Variants in SPAG16 observed in about 807,000 individuals in gnomAD.
SPAG16 encodes sperm-associated antigen 16 protein.
SPAG16 carries 86 observed loss-of-function variants against 80.4 expected under a neutral mutation model. The ratio of observed to expected loss-of-function variants is 1.07; its 90% confidence interval spans 0.90 to 1.28. SPAG16 has a LOEUF of 1.28. Among genes scored for constraint, SPAG16 ranks in the 50% most tolerant of loss-of-function variants. SPAG16 has a pLI of 0.00. For synonymous variants in SPAG16, 294 were observed against 265.9 expected (o/e 1.11, Z -1.03); for missense variants, 870 against 765.3 (o/e 1.14, Z -1.61).
At chr2:213,533,085 A>G (rs1433219807) in intron 10 of SPAG16, among the ~76,000 whole-genome samples, 1 of 152,206 alleles carries the variant, frequency 6.6e-6, no homozygotes, top group Admixed American at 6.5e-5. Flanking sequence ...TCTGTATTGT[A>G]GAATATATAC....
chr2:213,784,569 C>A (rs748479340), intron 10 of SPAG16, among the ~76,000 whole-genome samples: 1 of 118,402 alleles, frequency 8.4e-6, no homozygotes, highest in Non-Finnish European at 1.7e-5. Context: ...GTATCACTTA[C>A]AGTAAAAGTA....
At chr2:213,831,903 T>A (rs2073682478) in intron 10 of SPAG16, among the ~76,000 whole-genome samples, 1 of 152,188 alleles carries the variant, frequency 6.6e-6, no homozygotes, top group African/African-American at 2.4e-5. Context: ...ATGTGACTAG[T>A]AAGAGAAAAC....
At chr2:214,398,291 A>C (rs573855007) in intron 15 of SPAG16, among the ~76,000 whole-genome samples, 4 of 152,342 alleles carry the variant, frequency 2.6e-5, no homozygotes. Flanking sequence ...AACTTTAAAA[A>C]AATTTTTCCC....
chr2:213,548,393 A>G (rs1346114748), intron 10 of SPAG16, among the ~76,000 whole-genome samples: 1 of 152,070 alleles, frequency 6.6e-6, no homozygotes, highest in African/African-American at 2.4e-5. Flanking sequence ...TTGTATTTTT[A>G]GTAGAGACGG....
intron 5 of SPAG16, among the ~76,000 whole-genome samples, chr2:213,321,438 ATGAGTCAAGC>A (rs1457892631): frequency 1.3e-5 from 2 of 152,098 alleles, no homozygotes; most frequent in African/African-American, 4.8e-5. Flanking sequence ...TGATAATTAA[ATGAGTCAAGC>A]TATGTTAAAG....
chr2:214,104,247 G>C (rs2053248310), intron 13 of SPAG16, among the ~76,000 whole-genome samples: 1 of 152,194 alleles, frequency 6.6e-6, no homozygotes. Flanking sequence ...AAAGGATGAG[G>C]TCAGATACAG....
intron 15 of SPAG16, among the ~76,000 whole-genome samples, chr2:214,400,875 G>C (rs1574516461): frequency 6.6e-6 from 1 of 151,922 alleles, no homozygotes; most frequent in East Asian, 1.9e-4. Context: ...CTTCTACCAA[G>C]ATAAATTTAA....
At chr2:213,711,526 C>CTT (rs1234929111) in intron 10 of SPAG16, among the ~76,000 whole-genome samples, 81 of 140,070 alleles carry the variant, frequency 5.8e-4, no homozygotes, top group African/African-American at 1.9e-3. Context: ...ATTTTCTTTC[C>CTT]TTTTTTTTTT....
chr2:213,579,435 T>C (rs1230242681), intron 10 of SPAG16, among the ~76,000 whole-genome samples: 1 of 152,156 alleles, frequency 6.6e-6, no homozygotes, highest in African/African-American at 2.4e-5. Context: ...TACTTTGATA[T>C]TGGTCTTATT....
At chr2:213,565,910 G>A (rs2059746434) in intron 10 of SPAG16, among the ~76,000 whole-genome samples, 2 of 152,174 alleles carry the variant, frequency 1.3e-5, no homozygotes, top group African/African-American at 4.8e-5. Context: ...TAGAAGGCAA[G>A]GGAGGAAAAT....
At chr2:214,157,080 C>T (rs1225049019) in intron 15 of SPAG16, among the ~76,000 whole-genome samples, 2 of 152,038 alleles carry the variant, frequency 1.3e-5, no homozygotes, top group African/African-American at 4.8e-5. Context: ...AGAATTTGGG[C>T]CTCACTGATT....
At chr2:213,993,285 A>C (rs541639364) in intron 12 of SPAG16, among the ~76,000 whole-genome samples, 1 of 152,312 alleles carries the variant, frequency 6.6e-6, no homozygotes, top group Non-Finnish European at 1.5e-5. Context: ...CATGCTTATA[A>C]CTAGGAAGCA....
intron 10 of SPAG16, among the ~76,000 whole-genome samples, chr2:213,767,726 A>G (rs1257336559): frequency 6.6e-6 from 1 of 151,934 alleles, no homozygotes; most frequent in Non-Finnish European, 1.5e-5. Context: ...CTAAAGGCAG[A>G]AGTTTTAAGC....
chr2:214,304,502 G>C (rs975526374), intron 15 of SPAG16, among the ~76,000 whole-genome samples: 1 of 152,174 alleles, frequency 6.6e-6, no homozygotes, highest in African/African-American at 2.4e-5. Context: ...TCCCATAAGG[G>C]ATACTTTTAG....
chr2:214,104,938 C>T (rs780196953), intron 13 of SPAG16, among the ~76,000 whole-genome samples: 2 of 152,062 alleles, frequency 1.3e-5, no homozygotes, highest in Non-Finnish European at 2.9e-5. Context: ...ATGCAGTGTG[C>T]AAGTGGCCAT....
intron 9 of SPAG16, among the ~76,000 whole-genome samples, chr2:213,411,351 A>C (rs1043685786): frequency 2.6e-5 from 4 of 152,222 alleles, no homozygotes; most frequent in Non-Finnish European, 2.9e-5. Flanking sequence ...GTGGGCGACC[A>C]TTAATAAAAA....
At position 214,114,575 on chromosome 2, in the gene SPAG16, G is replaced by A. The variant is rs536536435; in HGVS notation, c.1593+6314G>A. Among the ~76,000 whole-genome samples the A allele has an allele frequency of 1.1e-3, 167 of 152,318 alleles. 1 individual carries two copies. Among genetic ancestry groups the A allele is most frequent in the Middle Eastern group, 3.4e-3 (1 of 294 alleles). On this transcript the variant is annotated intron_variant, in intron 14 of 15. Coordinates refer to ENST00000331683, the MANE Select transcript of SPAG16 (RefSeq NM_024532.5). The stretch of plus-strand genomic sequence containing the variant: ...TCTCAGACTGCTGTACTAGCAGTGA[G>A]CAAGGCTCCATGAGCGTGGGACCCC...
At chr2:214,062,020 C>CAT (rs1553706944) in intron 13 of SPAG16, among the ~76,000 whole-genome samples, 2,575 of 146,624 alleles carry the variant, frequency 0.018, 78 homozygotes, top group South Asian at 0.087. Context: ...CACACACACA[C>CAT]GCAGTGTGTA....
chr2:214,072,558 G>A (rs1274497700), intron 13 of SPAG16, among the ~76,000 whole-genome samples: 1 of 152,076 alleles, frequency 6.6e-6, no homozygotes, highest in Non-Finnish European at 1.5e-5. Context: ...TAGGGAATCT[G>A]TTTAGGGAAA....
Sources: allele counts gnomAD v4.1 joint callset (sites outside exome capture counted in the v4.1 genomes callset), GRCh38; gene constraint gnomAD v4.1.1; transcripts MANE v1.5; gene names NCBI Gene and HGNC (gene_info 2026-07-23, HGNC 2026-07-21).